DCP1B: variants seen among roughly 807,000 people sequenced by gnomAD.
DCP1B encodes the protein mRNA-decapping enzyme 1B.
A neutral mutation model predicts 60.5 loss-of-function variants in DCP1B; 47 were observed. The observed-to-expected ratio is 0.78, with a 90% CI of 0.61 to 0.99. DCP1B has a LOEUF of 0.99. Ranked by LOEUF, DCP1B falls within the 50% of genes least tolerant of loss-of-function variation. The pLI is 0.00. For missense variants in DCP1B, 725 were observed against 756.8 expected, an observed-to-expected ratio of 0.96 and a Z score of 0.49; for synonymous variants, 267 against 280.3, an observed-to-expected ratio of 0.95 and a Z score of 0.47.
chr12:1,953,133 C>A lies in DCP1B; in HGVS notation c.807G>T (p.Gly269=). ...CCTCATAGGACAGGGAGCGTACAAC[C>A]CCCTGCCTAATTGGAAGCTTCTCTT... ...QQQEKLPIRQ[G]VVRSLSYEEP... Residue 269 remains glycine (G), a synonymous_variant, in exon 7 of 9, where the codon GGG becomes GGT. Transcript: ENST00000280665. The A allele has an allele frequency of 6.2e-7, 1 of 1,612,622 alleles. No individual in the cohort carries two copies. Among genetic ancestry groups the A allele is most frequent in the Non-Finnish European group, 8.5e-7 (1 of 1,179,800 alleles).
intron 3 of DCP1B, among the ~76,000 whole-genome samples, chr12:1,988,891 A>G (rs979911075): frequency 2.6e-5 from 4 of 152,248 alleles, no homozygotes; most frequent in African/African-American, 9.6e-5. Flanking sequence ...AAAACTACCC[A>G]AAATGGTAAA....
rs141120298 is a variant in DCP1B at position 1,950,038 on chromosome 12, T to C, written c.1525-704A>G. The C allele has an allele frequency of 4.0e-3, 1,617 of 403,970 alleles. 6 individuals are homozygous for C. The highest frequency in any genetic ancestry group is 6.1e-3 in the Admixed American group (164 of 26,692). 25.0% of individuals were successfully genotyped at this position (403,970 alleles called of 1,614,324 possible). On this transcript the variant is annotated intron_variant, in intron 7 of 8. Transcript: ENST00000280665. ...GTTATGCAAGTGACATTTTGATCCT[T>C]ATCTGACTGACTCCTACAGCTATCA...
intron 2 of DCP1B, among the ~76,000 whole-genome samples, chr12:1,996,640 AAAAAAAAAAAAAAAACAAC>A (rs1354050098): frequency 7.6e-5 from 9 of 117,798 alleles, no homozygotes; most frequent in African/African-American, 1.4e-4. Flanking sequence ...AAAAAAAAAA[AAAAAAAAAAAAAAAACAAC>A]AAACTCTTCT....
At chr12:1,999,602 G>A (rs572408286) in intron 1 of DCP1B, among the ~76,000 whole-genome samples, 18 of 152,068 alleles carry the variant, frequency 1.2e-4, no homozygotes, top group Non-Finnish European at 1.9e-4. Flanking sequence ...GGCACATGCC[G>A]GTAGTCTCAG....
intron 4 of DCP1B, among the ~76,000 whole-genome samples, chr12:1,966,458 A>C (rs1389550358): frequency 6.6e-6 from 1 of 152,254 alleles, no homozygotes; most frequent in Non-Finnish European, 1.5e-5. Context: ...CTTTCAGCTC[A>C]CATTCTTATT....
At position 2,004,345 on chromosome 12, in the gene DCP1B, G is replaced by A. The variant is rs756083086; in HGVS notation, c.87C>T (p.Asn29=). The change falls in exon 1 of 9, where the codon AAC becomes AAT. Residue 29 remains asparagine (N), a synonymous_variant. Coordinates refer to ENST00000280665, the MANE Select transcript of DCP1B (RefSeq NM_152640.5). The stretch of plus-strand genomic sequence containing the variant: ...CCTGGCTGGCCACGTCCACGATGCG[G>A]TTGATATAGGGGTCGTGGCGCTGCA... ...AALQRHDPYI[N]RIVDVASQVA... The A allele has an allele frequency of 1.9e-6, 3 of 1,613,298 alleles. No individual in the cohort carries two copies. Among genetic ancestry groups the A allele is most frequent in the East Asian group, 2.2e-5 (1 of 44,882 alleles).
At chr12:1,949,400 C>A in intron 7 of DCP1B, 66 bp from the exon 8 acceptor site, 2 of 1,585,102 alleles carry the variant, frequency 1.3e-6, no homozygotes, top group African/African-American at 1.3e-5. Flanking sequence ...TAGCTTGCAG[C>A]GGCAGATACG....
chr12:1,985,862 G>C (rs868097587), intron 3 of DCP1B, among the ~76,000 whole-genome samples: 3 of 152,100 alleles, frequency 2.0e-5, no homozygotes, highest in Non-Finnish European at 2.9e-5. Flanking sequence ...CCAGGCTGGA[G>C]TGCAGTGGTG....
chr12:1,941,681 C>A (rs1031671560), downstream of DCP1B, among the ~76,000 whole-genome samples: 1 of 152,102 alleles, frequency 6.6e-6, no homozygotes, highest in Non-Finnish European at 1.5e-5. Flanking sequence ...TTTGCGTGGA[C>A]GTCCTTTTTG....
rs746174546 is a variant in DCP1B, at chr12:1,953,067, A to G, written c.873T>C (p.Cys291=). ...TGACCATGAGTTTCTGAATGGCTGG[A>G]CAGAGCTGCTTCTCAATGGGGGGTG... The part of the protein sequence containing the change: ...RHSPPIEKQL[C]PAIQKLMVRS... The change falls in exon 7 of 9, where the codon TGT becomes TGC. Residue 291 remains cysteine (C), a synonymous_variant. Coordinates refer to ENST00000280665, the MANE Select transcript of DCP1B (RefSeq NM_152640.5). 2 of 1,614,046 alleles carry G rather than the reference A, an allele frequency of 1.2e-6. No homozygotes were observed. Among genetic ancestry groups the G allele is most frequent in the African/African-American group, 2.7e-5 (2 of 74,906 alleles).
intron 1 of DCP1B, among the ~76,000 whole-genome samples, chr12:2,000,930 T>C (rs1200307177): frequency 6.6e-6 from 1 of 151,404 alleles, no homozygotes; most frequent in Non-Finnish European, 1.5e-5. Context: ...CTGGATACTC[T>C]GGAGGCTGAG....
Position 2,004,439 on chromosome 12 carries a change from C to A in DCP1B, c.-8G>T, listed in dbSNP as rs775221731. ...TGCCGCCACGGCTGCCATCTTCCCT[C>A]CCTCCCAGACATAGGCACGGGGCTC... On this transcript the variant is annotated 5_prime_UTR_variant, in exon 1 of 9. It introduces an in-frame stop codon into an upstream open reading frame of the 5' UTR. Transcript: ENST00000280665. The A allele has an allele frequency of 1.9e-6, 3 of 1,604,114 alleles. No individual in the cohort carries two copies. The highest frequency in any genetic ancestry group is 2.6e-6 in the Non-Finnish European group (3 of 1,175,500).
intron 3 of DCP1B, among the ~76,000 whole-genome samples, chr12:1,984,814 G>A (rs973120441): frequency 1.9e-5 from 2 of 102,822 alleles, no homozygotes; most frequent in Non-Finnish European, 4.1e-5. Flanking sequence ...TTCTTTTTAT[G>A]TTTCCTTTAT....
Position 1,952,431 on chromosome 12 carries a change from C to A in DCP1B, c.1509G>T (p.Gln503His). Residue 503 changes from glutamine to histidine, a missense_variant, in exon 7 of 9, where the codon CAG becomes CAT. By Grantham distance (24) the Gln-to-His change is conservative. Coordinates refer to ENST00000280665, the MANE Select transcript of DCP1B (RefSeq NM_152640.5). ...ACATATTTACCTGGAAAAGAGGAGT[C>A]TGCTGTTCTGTGTTGGGTGTCTTGT... ...WINKTPNTEQ[Q>H]TPLFQVISPQ... is the part of the protein sequence containing the mutation. 6.3e-7 allele frequency: 1 copy of A among 1,591,682 alleles called. No individual in the cohort carries two copies. Among genetic ancestry groups the A allele is most frequent in the South Asian group, 1.1e-5 (1 of 89,168 alleles).
At chr12:1,995,830 G>A (rs2040666868) in intron 2 of DCP1B, among the ~76,000 whole-genome samples, 1 of 152,130 alleles carries the variant, frequency 6.6e-6, no homozygotes, top group Non-Finnish European at 1.5e-5. Context: ...TTTATTTCAT[G>A]GTTTCAACTA....
intron 7 of DCP1B, 129 bp from the exon 8 acceptor site, chr12:1,949,463 G>A: frequency 7.6e-7 from 1 of 1,314,162 alleles, no homozygotes; most frequent in Middle Eastern, 2.1e-4. Context: ...AAAGTTTATG[G>A]GAAACTGATT....
chr12:1,995,517 G>A (rs2040584885), intron 2 of DCP1B, among the ~76,000 whole-genome samples: 1 of 152,232 alleles, frequency 6.6e-6, no homozygotes, highest in South Asian at 2.1e-4. Flanking sequence ...CTGCTCTTCT[G>A]AGACTGTGAA....
chr12:1,984,624 T>C (rs1593078667), intron 3 of DCP1B, among the ~76,000 whole-genome samples: 2 of 152,040 alleles, frequency 1.3e-5, no homozygotes, highest in East Asian at 1.9e-4. Flanking sequence ...TTTAAAGAAT[T>C]TGAGAGGAGA....
chr12:1,991,962 G>C, intron 3 of DCP1B: 1 of 191,168 alleles, frequency 5.2e-6, no homozygotes, highest in Non-Finnish European at 1.1e-5. Flanking sequence ...ATATTAATTT[G>C]ACATAAAATC....
Sources: gnomAD v4.1 joint callset for allele counts (sites outside exome capture counted in the v4.1 genomes callset) on GRCh38, gnomAD v4.1.1 for gene constraint, MANE v1.5 for transcripts, NCBI Gene and HGNC (gene_info 2026-07-23, HGNC 2026-07-21) for gene names.